LARS1: variants seen among roughly 807,000 people sequenced by gnomAD.
LARS1 encodes the protein leucyl-tRNA synthetase 1.
Under a neutral mutation model 162.8 loss-of-function variants are expected in LARS1, and 100 were observed. The observed-to-expected ratio is 0.61, with a 90% CI of 0.52 to 0.73. LARS1 has a LOEUF of 0.73. Ranked by LOEUF, LARS1 falls within the 30% of genes least tolerant of loss-of-function variation. The probability of loss-of-function intolerance (pLI) is 0.00; values close to 1 mark genes in which losing one functional copy is unlikely to be tolerated. For synonymous variants in LARS1, 457 were observed against 462.8 expected (o/e 0.99, Z 0.16); for missense variants, 1,258 against 1,408.9 (o/e 0.89, Z 1.71).
chr5:146,171,756 T>C (rs1453896692), intron 4 of LARS1, among the ~76,000 whole-genome samples, 154 bp downstream of exon 4: 4 of 152,196 alleles, frequency 2.6e-5, no homozygotes, highest in Admixed American at 2.6e-4. Flanking sequence ...TCTTCACATG[T>C]TGTTTATTTT....
intron 21 of LARS1, among the ~76,000 whole-genome samples, chr5:146,137,049 A>T (rs1459764133): frequency 1.3e-5 from 2 of 152,048 alleles, no homozygotes; most frequent in African/African-American, 4.8e-5. Flanking sequence ...GGCGCCCACA[A>T]CCAGGCCCAG....
chr5:146,151,044 T>G (rs1581051922), intron 14 of LARS1, among the ~76,000 whole-genome samples: 1 of 152,176 alleles, frequency 6.6e-6, no homozygotes, highest in Middle Eastern at 3.4e-3. Context: ...GCTAACTATC[T>G]GGCTAATCTC....
chr5:146,182,613 G>T lies in LARS1; in HGVS notation c.-120C>A. On this transcript the variant is annotated 5_prime_UTR_variant, in exon 1 of 32. Transcript: ENST00000394434. Reference sequence around the variant, plus strand: ...GGCCTCCCACGAAACTAAAGCACACGCTTCACACCTGCTGAGGCAATCATC... The same window carrying T: ...GGCCTCCCACGAAACTAAAGCACACTCTTCACACCTGCTGAGGCAATCATC... 3 of 1,296,326 alleles carry T rather than the reference G, an allele frequency of 2.3e-6. No individual in the cohort carries two copies. Among genetic ancestry groups the T allele is most frequent in the Non-Finnish European group, 2.2e-6 (2 of 894,504 alleles). The allele number at this position is 1,296,326 out of a possible 1,614,324, so 80.3% of individuals were successfully genotyped here.
intron 31 of LARS1, among the ~76,000 whole-genome samples, chr5:146,117,333 G>C (rs1423878314): frequency 6.6e-6 from 1 of 152,086 alleles, no homozygotes; most frequent in African/African-American, 2.4e-5. Context: ...CATCCAAGCA[G>C]GGCCGGTGTC....
chr5:146,158,502 T>A (rs1753628327), intron 8 of LARS1, among the ~76,000 whole-genome samples: 1 of 152,226 alleles, frequency 6.6e-6, no homozygotes, highest in South Asian at 2.1e-4. Flanking sequence ...GTCATTGATT[T>A]TTACTTTGCC....
At chr5:146,171,860 T>C (rs1016646506) in intron 4 of LARS1, 50 bp downstream of exon 4, 11 of 1,365,230 alleles carry the variant, frequency 8.1e-6, no homozygotes, top group Non-Finnish European at 1.1e-5. Context: ...TGGGTATTAC[T>C]ATTTGCTCCA....
Position 146,176,973 on chromosome 5 carries a change from T to A in LARS1, c.125+574A>T, listed in dbSNP as rs546691713. Among the ~76,000 whole-genome samples the A allele has an allele frequency of 1.1e-3, 160 of 152,238 alleles. 1 individual carries two copies. Among genetic ancestry groups the A allele is most frequent in the Non-Finnish European group, 1.2e-3 (83 of 68,020 alleles). On this transcript the variant is annotated intron_variant, in intron 2 of 31. Transcript: ENST00000394434. ...TCCTTCTTTGTCTAAATATTTAAAA[T>A]ACTGTAGTCTTTAAAACAAAACAAA...
chr5:146,130,968 T>A, intron 24 of LARS1, 51 bp downstream of exon 24: 1 of 1,022,458 alleles, frequency 9.8e-7, no homozygotes. Flanking sequence ...GGAAAATACA[T>A]AATGTTCACA....
chr5:146,124,315 A>G (rs1309418197), intron 28 of LARS1, among the ~76,000 whole-genome samples: 2 of 151,922 alleles, frequency 1.3e-5, no homozygotes, highest in Non-Finnish European at 2.9e-5. Context: ...GGCAGCACTG[A>G]AAAGATGGGA....
chr5:146,171,157 G>A (rs62373802), intron 4 of LARS1, among the ~76,000 whole-genome samples: 33,796 of 151,908 alleles, frequency 0.22, 4,809 homozygotes, highest in Admixed American at 0.33. Context: ...AGGAGTTCCA[G>A]AACAGCCTAG....
At position 146,168,388 on chromosome 5, in the gene LARS1, T is replaced by C; in HGVS notation, c.295-123A>G. 3 of 969,914 alleles carry C rather than the reference T, an allele frequency of 3.1e-6. No homozygotes were observed. In the South Asian group the frequency reaches 5.5e-5, roughly 18 times the overall value. 60.1% of individuals were successfully genotyped at this position (969,914 alleles called of 1,614,324 possible). A position where few individuals can be genotyped will look rare whatever the true frequency, so the allele number is the denominator to read the frequency against. On this transcript the variant is annotated intron_variant, in intron 4 of 31. Transcript: ENST00000394434. The stretch of plus-strand genomic sequence containing the variant: ...TTTTTGCAATATATTGATACCTATG[T>C]GGCTCCACTACAGAAAACTGAAACG...
rs550980630 is a variant in LARS1, at chr5:146,159,347, T to C, written c.771+60A>G. 9 of 1,358,038 alleles carry C rather than the reference T, an allele frequency of 6.6e-6. No homozygotes were observed. In the South Asian group the frequency reaches 8.6e-5, roughly 13 times the overall value. 84.1% of individuals were successfully genotyped at this position (1,358,038 alleles called of 1,614,324 possible). A position where few individuals can be genotyped will look rare whatever the true frequency, so the allele number is the denominator to read the frequency against. ...AAGTTATTTTTAGGTTTCTATTTCT[T>C]AAACTCTATAGTCTTATTAAGGATT... On this transcript the variant is annotated intron_variant, in intron 8 of 31. Transcript: ENST00000394434.
intron 23 of LARS1, 65 bp downstream of exon 23, chr5:146,132,828 AAAAAG>A (rs1752343566): frequency 8.0e-7 from 1 of 1,244,588 alleles, no homozygotes; most frequent in Non-Finnish European, 1.1e-6. Context: ...AAAAGAAAAG[AAAAAG>A]AAAACAAAAA....
chr5:146,113,076 T>C lies in LARS1; in HGVS notation c.*1030A>G, dbSNP rs1352877176. 6.6e-6 allele frequency: 1 copy of C among 151,940 alleles called. No individual in the cohort carries two copies. Among genetic ancestry groups the C allele is most frequent in the Admixed American group, 6.6e-5 (1 of 15,186 alleles). 9.4% of individuals were successfully genotyped at this position (151,940 alleles called of 1,614,324 possible). A position where few individuals can be genotyped will look rare whatever the true frequency, so the allele number is the denominator to read the frequency against. On this transcript the variant is annotated 3_prime_UTR_variant, in exon 32 of 32. Transcript: ENST00000394434. ...TCTATTTTATTGATTGATTGATGGA[T>C]TGATTGAGACAGAGTTTCACTCTTG...
chr5:146,180,193 C>G (rs1022993276), intron 1 of LARS1, among the ~76,000 whole-genome samples: 1 of 152,174 alleles, frequency 6.6e-6, no homozygotes, highest in African/African-American at 2.4e-5. Context: ...TATGATTGCA[C>G]TACTGCACTG....
At chr5:146,134,123 T>C (rs1488898497) in intron 22 of LARS1, among the ~76,000 whole-genome samples, 1 of 152,088 alleles carries the variant, frequency 6.6e-6, no homozygotes, top group Non-Finnish European at 1.5e-5. Flanking sequence ...GGATTACAAG[T>C]GTGAGCCACC....
chr5:146,132,846 C>A (rs1752344456), intron 23 of LARS1, 52 bp downstream of exon 23: 25 of 1,345,416 alleles, frequency 1.9e-5, no homozygotes, highest in Middle Eastern at 1.9e-4. Context: ...AACAAAAATG[C>A]ACCAGGACTA....
chr5:146,170,795 A>G (rs1464341169), intron 4 of LARS1, among the ~76,000 whole-genome samples: 4 of 143,458 alleles, frequency 2.8e-5, no homozygotes, highest in Non-Finnish European at 4.6e-5. Context: ...AGGAGTTTGA[A>G]ACCAGCCTGG....
intron 24 of LARS1, 94 bp downstream of exon 24, chr5:146,130,925 G>A (rs1402532528): frequency 1.7e-5 from 10 of 588,782 alleles, no homozygotes; most frequent in African/African-American, 3.8e-5. Flanking sequence ...CACTTTAGGC[G>A]AGTAATTGTG....
Sources: allele counts gnomAD v4.1 joint callset (sites outside exome capture counted in the v4.1 genomes callset), GRCh38; gene constraint gnomAD v4.1.1; transcripts MANE v1.5; gene names NCBI Gene and HGNC (gene_info 2026-07-23, HGNC 2026-07-21).